Variants in NRXN1 observed in about 807,000 individuals in gnomAD.
NRXN1 encodes the protein neurexin 1.
Under a neutral mutation model 150.9 loss-of-function variants are expected in NRXN1, and 39 were observed. That is an observed-to-expected ratio of 0.26 (90% CI 0.20 to 0.34). NRXN1 has a LOEUF of 0.34. Among genes scored for constraint, NRXN1 ranks in the 10% least tolerant of loss-of-function variants. The probability of loss-of-function intolerance (pLI) is 1.00; values close to 1 mark genes in which losing one functional copy is unlikely to be tolerated. For synonymous variants in NRXN1, 924 were observed against 757.0 expected, an observed-to-expected ratio of 1.22 and a Z score of -3.62; for missense variants, 1,815 against 1,949.9, an observed-to-expected ratio of 0.93 and a Z score of 1.30.
At chr2:50,330,458 C>T (rs975373564) in intron 17 of NRXN1, among the ~76,000 whole-genome samples, 1 of 152,046 alleles carries the variant, frequency 6.6e-6, no homozygotes, top group Admixed American at 6.5e-5. Context: ...AACAAGGCCA[C>T]GTCCTTTTGC....
chr2:50,935,374 A>G (rs537454649), intron 2 of NRXN1, among the ~76,000 whole-genome samples: 2 of 152,282 alleles, frequency 1.3e-5, no homozygotes, highest in African/African-American at 4.8e-5. Flanking sequence ...CTATTAAGGA[A>G]CTACTACATA....
At chr2:50,743,373 A>C (rs1699668922) in intron 5 of NRXN1, among the ~76,000 whole-genome samples, 1 of 152,204 alleles carries the variant, frequency 6.6e-6, no homozygotes, top group Non-Finnish European at 1.5e-5. Flanking sequence ...TGGCAAACTA[A>C]ATACAGGAAA....
Position 50,347,423 on chromosome 2 carries a change from A to C in NRXN1, c.3365-110453T>G. On this transcript the variant is annotated intron_variant, in intron 17 of 22. Coordinates refer to ENST00000401669, the MANE Select transcript of NRXN1 (RefSeq NM_001330078.2). This position sits in a 1 kb window ranked among gnomAD's most constrained non-coding sequence, Gnocchi z 4.9. ...CCATTTAGCTTTGTGTGCGGGGACT[A>C]GGGAGGCCACTTCGCCGGCCCAACC... 3.5e-6 allele frequency: 4 copies of C among 1,149,780 alleles called. No homozygotes were observed. In the South Asian group the frequency reaches 4.9e-5, roughly 14 times the overall value. 71.2% of individuals were successfully genotyped at this position (1,149,780 alleles called of 1,614,324 possible).
intron 2 of NRXN1, among the ~76,000 whole-genome samples, chr2:51,020,924 A>C (rs1558599856): frequency 6.6e-6 from 1 of 151,958 alleles, no homozygotes; most frequent in South Asian, 2.1e-4. Context: ...AAAAAACAAA[A>C]AGCCTTGCAA....
chr2:50,891,184 T>C (rs1374990187), intron 5 of NRXN1, among the ~76,000 whole-genome samples: 1 of 152,012 alleles, frequency 6.6e-6, no homozygotes, highest in Non-Finnish European at 1.5e-5. Flanking sequence ...GCTTCTGTCT[T>C]TCAATAGTAA....
intron 5 of NRXN1, among the ~76,000 whole-genome samples, chr2:50,684,100 C>T (rs760405189): frequency 1.3e-5 from 2 of 152,102 alleles, no homozygotes; most frequent in Admixed American, 6.6e-5. Context: ...AACTACAATA[C>T]AGTATACTAA....
At chr2:50,054,660 G>T (rs1257009749) in intron 20 of NRXN1, among the ~76,000 whole-genome samples, 3 of 151,968 alleles carry the variant, frequency 2.0e-5, no homozygotes, top group African/African-American at 7.2e-5. Flanking sequence ...TATCATTTTG[G>T]GTTAATGCTT....
intron 5 of NRXN1, among the ~76,000 whole-genome samples, chr2:50,765,472 C>T (rs1180811632): frequency 2.0e-5 from 3 of 152,052 alleles, no homozygotes; most frequent in Non-Finnish European, 4.4e-5. Context: ...ATCCCTCTTT[C>T]TGCCCAGGTA....
At chr2:50,717,480 A>T (rs1022415684) in intron 5 of NRXN1, among the ~76,000 whole-genome samples, 1 of 152,178 alleles carries the variant, frequency 6.6e-6, no homozygotes, top group Non-Finnish European at 1.5e-5. Context: ...CATGATTTTC[A>T]GTAACAGAAT....
chr2:50,263,801 G>A (rs576834267), intron 17 of NRXN1, among the ~76,000 whole-genome samples: 41 of 152,206 alleles, frequency 2.7e-4, no homozygotes, highest in African/African-American at 9.6e-4. Flanking sequence ...TGTTTAGAGG[G>A]TGGCAGCTAC....
chr2:50,136,588 A>G (rs1706442747), intron 18 of NRXN1, among the ~76,000 whole-genome samples: 1 of 152,208 alleles, frequency 6.6e-6, no homozygotes, highest in Admixed American at 6.5e-5. Flanking sequence ...TTCCCTAGAA[A>G]AGGTGTCATG....
intron 17 of NRXN1, among the ~76,000 whole-genome samples, chr2:50,415,378 A>T (rs2083463390): frequency 6.6e-6 from 1 of 152,088 alleles, no homozygotes; most frequent in Non-Finnish European, 1.5e-5. Context: ...AATATAATTT[A>T]ATCATTGTAT....
chr2:50,785,405 C>T (rs1368835462), intron 5 of NRXN1, among the ~76,000 whole-genome samples: 1 of 151,876 alleles, frequency 6.6e-6, no homozygotes, highest in East Asian at 1.9e-4. Flanking sequence ...CCTGCCACCA[C>T]GCCTGGGTAA....
chr2:50,568,284 T>C (rs1005880920), intron 8 of NRXN1, among the ~76,000 whole-genome samples: 3 of 151,980 alleles, frequency 2.0e-5, no homozygotes, highest in African/African-American at 2.4e-5. Flanking sequence ...AAAGCAAAAA[T>C]GGACAAATGG....
intron 5 of NRXN1, among the ~76,000 whole-genome samples, chr2:50,834,693 G>A (rs1030600751): frequency 6.6e-6 from 1 of 152,076 alleles, no homozygotes; most frequent in Non-Finnish European, 1.5e-5. Context: ...TAAACTATCT[G>A]TATTAGATAA....
intron 21 of NRXN1, among the ~76,000 whole-genome samples, chr2:50,035,241 A>G (rs1325232530): frequency 2.0e-5 from 3 of 152,124 alleles, no homozygotes; most frequent in African/African-American, 7.2e-5. Context: ...TTTTCGTATC[A>G]GCATTTCTCA....
chr2:50,312,139 T>C (rs2075235705), intron 17 of NRXN1, among the ~76,000 whole-genome samples: 1 of 152,172 alleles, frequency 6.6e-6, no homozygotes, highest in Non-Finnish European at 1.5e-5. Flanking sequence ...TACTTGGCAT[T>C]TCTTCTCCTG....
intron 21 of NRXN1, among the ~76,000 whole-genome samples, chr2:49,961,996 C>A (rs1235764691): frequency 6.6e-6 from 1 of 151,942 alleles, no homozygotes; most frequent in Non-Finnish European, 1.5e-5. Flanking sequence ...GTCCCAGCCA[C>A]CTGGAGGAGG....
At chr2:50,986,868 T>C (rs554437378) in intron 2 of NRXN1, among the ~76,000 whole-genome samples, 1 of 151,958 alleles carries the variant, frequency 6.6e-6, no homozygotes, top group East Asian at 1.9e-4. Context: ...TTGACATAGA[T>C]ATATATGTAT....
Sources: allele counts gnomAD v4.1 joint callset (sites outside exome capture counted in the v4.1 genomes callset), GRCh38; gene constraint gnomAD v4.1.1; non-coding constraint Gnocchi (gnomAD v3.1); transcripts MANE v1.5; gene names NCBI Gene and HGNC (gene_info 2026-07-23, HGNC 2026-07-21).